INPP5D: variants seen among roughly 807,000 people sequenced by gnomAD.
The protein encoded by INPP5D is phosphatidylinositol 3,4,5-trisphosphate 5-phosphatase 1.
Under a neutral mutation model 122.9 loss-of-function variants are expected in INPP5D, and 33 were observed. The ratio of observed to expected loss-of-function variants is 0.27; its 90% confidence interval spans 0.20 to 0.36. The LOEUF is 0.36. Ranked by LOEUF, INPP5D falls within the 10% of genes least tolerant of loss-of-function variation. INPP5D has a pLI of 1.00. For synonymous variants in INPP5D, 584 were observed against 576.2 expected (o/e 1.01, Z -0.19); for missense variants, 1,053 against 1,412.7 (o/e 0.75, Z 4.08).
intron 24 of INPP5D, 76 bp from the exon 25 acceptor site, chr2:233,198,019 G>T: frequency 6.9e-7 from 1 of 1,456,152 alleles, no homozygotes; most frequent in Non-Finnish European, 9.1e-7. Context: ...GTTATCAGAG[G>T]ACACTTTCCT....
chr2:233,171,387 T>A (rs1489703532), intron 17 of INPP5D: 2 of 493,018 alleles, frequency 4.1e-6, no homozygotes, highest in South Asian at 4.1e-5. Flanking sequence ...TACTCTAAGA[T>A]GCTGAGAGGA....
chr2:233,116,453 T>C (rs1261031870), intron 2 of INPP5D, among the ~76,000 whole-genome samples: 1 of 151,708 alleles, frequency 6.6e-6, no homozygotes, highest in Non-Finnish European at 1.5e-5. Flanking sequence ...TACGTTTGGC[T>C]AATATTTGTA....
chr2:233,119,603 G>GACAC (rs541603590), intron 2 of INPP5D, among the ~76,000 whole-genome samples: 5 of 148,040 alleles, frequency 3.4e-5, no homozygotes, highest in African/African-American at 4.9e-5. Flanking sequence ...TACTAACTAA[G>GACAC]ACACACACAC....
At chr2:233,196,949 C>T (rs1208311697) in intron 24 of INPP5D, among the ~76,000 whole-genome samples, 4 of 152,204 alleles carry the variant, frequency 2.6e-5, no homozygotes, top group Non-Finnish European at 4.4e-5. Flanking sequence ...ATCCCCTTTC[C>T]CTCTTTCCCT....
chr2:233,154,612 G>A (rs1035284558), intron 9 of INPP5D, among the ~76,000 whole-genome samples: 2 of 152,206 alleles, frequency 1.3e-5, no homozygotes, highest in African/African-American at 2.4e-5. Flanking sequence ...GTATGTCTAC[G>A]TGTGTGTATT....
chr2:233,165,554 CTATG>C (rs1451250214), intron 13 of INPP5D, among the ~76,000 whole-genome samples: 2 of 148,178 alleles, frequency 1.3e-5, no homozygotes, highest in Non-Finnish European at 3.0e-5. Context: ...GTGTGAGTGT[CTATG>C]TGTGTGTGTC....
intron 1 of INPP5D, among the ~76,000 whole-genome samples, chr2:233,068,669 C>T (rs1691295284): frequency 6.6e-6 from 1 of 152,104 alleles, no homozygotes; most frequent in African/African-American, 2.4e-5. Context: ...CAGAGGAGTA[C>T]AGGACCCATC....
chr2:233,181,034 G>T (rs73111445), intron 18 of INPP5D, among the ~76,000 whole-genome samples: 10,398 of 152,160 alleles, frequency 0.068, 415 homozygotes, highest in Middle Eastern at 0.12. Flanking sequence ...CAGAGAAGGG[G>T]TAGCCTCCTC....
At chr2:233,157,212 A>T (rs922464978) in intron 9 of INPP5D, among the ~76,000 whole-genome samples, 10 of 152,186 alleles carry the variant, frequency 6.6e-5, no homozygotes, top group Admixed American at 5.2e-4. Context: ...GAAGAGGAAG[A>T]CCTGGGGTCC....
intron 2 of INPP5D, among the ~76,000 whole-genome samples, chr2:233,084,775 T>G (rs1445073084): frequency 6.6e-6 from 1 of 152,192 alleles, no homozygotes; most frequent in African/African-American, 2.4e-5. Flanking sequence ...CAGAAAAGGT[T>G]CAGGGCATAG....
In INPP5D at chr2:233,164,930, A is replaced by G. The variant is rs1056700264; in HGVS notation, c.1555+506A>G. 3.3e-5 allele frequency among the ~76,000 whole-genome samples: 5 copies of G among 152,198 alleles called. No homozygotes were observed. On this transcript the variant is annotated intron_variant, in intron 13 of 26. Transcript: ENST00000445964. The surrounding 1 kb of genome is among the most constrained non-coding windows in gnomAD (Gnocchi z 4.3). ...GTGTTACCAGTGAGACCTTCCTTAC[A>G]AGCACAGGCGGGAGGTGGCTGGCCC...
chr2:233,127,107 C>A (rs1693185266), intron 4 of INPP5D, among the ~76,000 whole-genome samples: 1 of 152,186 alleles, frequency 6.6e-6, no homozygotes, highest in Non-Finnish European at 1.5e-5. Flanking sequence ...TCCTCATCAG[C>A]CCCTCCATCC....
At chr2:233,091,177 G>C (rs1008925601) in intron 2 of INPP5D, among the ~76,000 whole-genome samples, 2 of 152,100 alleles carry the variant, frequency 1.3e-5, no homozygotes, top group Non-Finnish European at 2.9e-5. Context: ...TGGCTGACTG[G>C]CCAACAGGAT....
intron 13 of INPP5D, 55 bp from the exon 14 acceptor site, chr2:233,169,250 C>A: frequency 6.4e-7 from 1 of 1,552,124 alleles, no homozygotes; most frequent in Non-Finnish European, 8.7e-7. Context: ...TTTCTGGCCC[C>A]TTGGCAAGTG....
intron 13 of INPP5D, among the ~76,000 whole-genome samples, chr2:233,165,945 G>C (rs1010960081): frequency 1.3e-5 from 2 of 152,110 alleles, no homozygotes; most frequent in African/African-American, 4.8e-5. Flanking sequence ...GTGGTTTTTG[G>C]TGGTTGGAGT....
At chr2:233,156,226 A>G (rs1253736013) in intron 9 of INPP5D, among the ~76,000 whole-genome samples, 1 of 152,218 alleles carries the variant, frequency 6.6e-6, no homozygotes, top group Non-Finnish European at 1.5e-5. Flanking sequence ...TGTGGCTCAG[A>G]CAAGGCCAAG....
At position 233,206,803 on chromosome 2, in the gene INPP5D, CA is replaced by C. The variant is rs769112338; in HGVS notation, c.*96del. 1.9e-5 allele frequency: 14 copies of C among 718,022 alleles called. No homozygotes were observed. The East Asian group carries it at 3.7e-4, about 19-fold the overall frequency. 44.5% of individuals were successfully genotyped at this position (718,022 alleles called of 1,614,324 possible). A position where few individuals can be genotyped will look rare whatever the true frequency, so the allele number is the denominator to read the frequency against. Reference sequence around the variant, plus strand: ...GGACCTCCTGCTGGCTCCTCCTGCCCAGCTTCCTATGCAAGGCTTTGTGTTT... The same window carrying C: ...GGACCTCCTGCTGGCTCCTCCTGCCCGCTTCCTATGCAAGGCTTTGTGTTT... On this transcript the variant is annotated 3_prime_UTR_variant, in exon 27 of 27. Coordinates refer to ENST00000445964, the MANE Select transcript of INPP5D (RefSeq NM_001017915.3). The surrounding 1 kb of genome is among the most constrained non-coding windows in gnomAD (Gnocchi z 4.0).
chr2:233,149,380 C>T (rs1289602751), intron 9 of INPP5D, among the ~76,000 whole-genome samples: 1 of 152,158 alleles, frequency 6.6e-6, no homozygotes, highest in East Asian at 1.9e-4. Flanking sequence ...GGATTACAGG[C>T]ATGAACCACT....
intron 18 of INPP5D, among the ~76,000 whole-genome samples, chr2:233,180,651 G>A (rs1023387469): frequency 1.1e-4 from 17 of 152,058 alleles, no homozygotes; most frequent in African/African-American, 3.4e-4. Context: ...GTGATTCTCC[G>A]CCTCAGCCTC....
Sources: gnomAD v4.1 joint callset for allele counts (sites outside exome capture counted in the v4.1 genomes callset) on GRCh38, gnomAD v4.1.1 for gene constraint, Gnocchi (gnomAD v3.1) non-coding constraint, MANE v1.5 for transcripts, NCBI Gene and HGNC (gene_info 2026-07-23, HGNC 2026-07-21) for gene names.